The following TFEB variants were observed in gnomAD, a reference collection of about 807,000 sequenced individuals.
The protein encoded by TFEB is T-cell transcription factor EB.
In TFEB, 12 loss-of-function variants were observed where a neutral mutation model predicts 48.0. That is an observed-to-expected ratio of 0.25 (90% CI 0.16 to 0.40). The LOEUF (loss-of-function observed/expected upper bound fraction) is 0.40. TFEB is among the 10% of genes least tolerant of loss of function. The probability of loss-of-function intolerance (pLI) is 1.00; values close to 1 mark genes in which losing one functional copy is unlikely to be tolerated. For synonymous variants in TFEB, 244 were observed against 261.4 expected (o/e 0.93, Z 0.64); for missense variants, 509 against 640.3 (o/e 0.79, Z 2.21).
intron 1 of TFEB, among the ~76,000 whole-genome samples, chr6:41,696,850 C>T (rs575808538): frequency 6.6e-6 from 1 of 152,228 alleles, no homozygotes; most frequent in African/African-American, 2.4e-5. Flanking sequence ...AAAGTGTATA[C>T]AGCATGCTCT....
chr6:41,731,905 C>T (rs937868662), intron 1 of TFEB, among the ~76,000 whole-genome samples: 4 of 152,222 alleles, frequency 2.6e-5, no homozygotes, highest in Non-Finnish European at 5.9e-5. Flanking sequence ...CAGTCTCCTT[C>T]CCTGGCCAGT....
chr6:41,729,528 T>C (rs1771364945), intron 1 of TFEB, among the ~76,000 whole-genome samples: 2 of 152,208 alleles, frequency 1.3e-5, no homozygotes, highest in South Asian at 4.1e-4. Flanking sequence ...CCCCAATTAT[T>C]GCAATAATGC....
chr6:41,713,630 G>T (rs921379281), intron 1 of TFEB, among the ~76,000 whole-genome samples: 3 of 152,162 alleles, frequency 2.0e-5, no homozygotes, highest in Non-Finnish European at 1.5e-5. Flanking sequence ...TCAGGCACCT[G>T]GTGGGCAGCA....
At chr6:41,708,163 C>A (rs930644148) in intron 1 of TFEB, among the ~76,000 whole-genome samples, 110 of 152,372 alleles carry the variant, frequency 7.2e-4, no homozygotes, top group African/African-American at 2.4e-3. Context: ...GGCATCCTGA[C>A]AGCTTCCTCT....
chr6:41,694,002 C>T (rs771307441), intron 1 of TFEB, among the ~76,000 whole-genome samples: 1 of 151,874 alleles, frequency 6.6e-6, no homozygotes, highest in Admixed American at 6.6e-5. Context: ...ACTGGCTCAC[C>T]CCCCCACCCT....
In TFEB at chr6:41,686,165, C is replaced by T; in HGVS notation, c.876G>A (p.Leu292=). 6.2e-7 allele frequency: 1 copy of T among 1,614,264 alleles called. No individual in the cohort carries two copies. The highest frequency in any genetic ancestry group is 1.6e-4 in the Middle Eastern group (1 of 6,062). The change falls in exon 8 of 9, where the codon CTG becomes CTA. Residue 292 remains leucine, a synonymous_variant. Transcript: ENST00000373033. ...VDYIRRMQKD[L]QKSRELENHS... is the part of the protein sequence containing the mutation. Reference sequence around the variant, plus strand: ...GGTTCTCCAGCTCCCTGGACTTTTGCAGGTCCTTCTGCATCCTCCGGATGT... The same window carrying T: ...GGTTCTCCAGCTCCCTGGACTTTTGTAGGTCCTTCTGCATCCTCCGGATGT...
intron 1 of TFEB, among the ~76,000 whole-genome samples, chr6:41,699,418 G>A (rs896444908): frequency 6.6e-6 from 1 of 152,228 alleles, no homozygotes; most frequent in Non-Finnish European, 1.5e-5. Flanking sequence ...GAGCAGCCTA[G>A]TGGTAACCCC....
intron 1 of TFEB, among the ~76,000 whole-genome samples, chr6:41,702,498 GA>G (rs1193558283): frequency 6.6e-6 from 1 of 152,116 alleles, no homozygotes; most frequent in African/African-American, 2.4e-5. Flanking sequence ...GCCTGAGGGC[GA>G]TAGAGGGGTT....
chr6:41,733,005 AGGGGGT>A, intron 1 of TFEB: 1 of 985,536 alleles, frequency 1.0e-6, no homozygotes, highest in Non-Finnish European at 1.2e-6. Context: ...GACAGAACCC[AGGGGGT>A]GGCTGGGCTA....
intron 1 of TFEB, among the ~76,000 whole-genome samples, chr6:41,694,777 C>T (rs889024385): frequency 2.0e-5 from 3 of 152,138 alleles, no homozygotes; most frequent in African/African-American, 7.2e-5. Flanking sequence ...CCACTGTGTA[C>T]AGGTTCAGTA....
In TFEB at chr6:41,691,322, G is replaced by T; in HGVS notation, c.-22-87C>A. On this transcript the variant is annotated intron_variant, in intron 1 of 8. Coordinates refer to ENST00000373033, the MANE Select transcript of TFEB (RefSeq NM_001271944.2). This position sits in a 1 kb window ranked among gnomAD's most constrained non-coding sequence, Gnocchi z 5.2. ...GGCAGGGGGAGGCCAGAATGACTGGGACCGCATCCATTTTAGAGGAGAAGA... is the reference window on the plus strand; with the variant it reads ...GGCAGGGGGAGGCCAGAATGACTGGTACCGCATCCATTTTAGAGGAGAAGA... The T allele has an allele frequency of 7.6e-7, 1 of 1,321,436 alleles. No individual in the cohort carries two copies. The highest frequency in any genetic ancestry group is 1.1e-6 in the Non-Finnish European group (1 of 938,102). The allele number at this position is 1,321,436 out of a possible 1,614,324, so 81.9% of individuals were successfully genotyped here. A position where few individuals can be genotyped will look rare whatever the true frequency, so the allele number is the denominator to read the frequency against.
intron 2 of TFEB, 28 bp downstream of exon 2, chr6:41,690,973 G>A (rs772152919): frequency 2.3e-5 from 36 of 1,567,764 alleles, no homozygotes; most frequent in Admixed American, 1.9e-4. Context: ...TGGGGACAGG[G>A]TGGGGGGCAG....
chr6:41,684,285 C>T lies in TFEB; in HGVS notation c.*314G>A. On this transcript the variant is annotated 3_prime_UTR_variant, in exon 9 of 9. Transcript: ENST00000373033. ...TAATGAGGGGCTCGGGCTCAGAAGA[C>T]AGGGAATCTCCACCAGGCCCTCTTC... 1 of 294,200 alleles carries T rather than the reference C, an allele frequency of 3.4e-6. No homozygotes were observed. The highest frequency in any genetic ancestry group is 1.4e-4 in the South Asian group (1 of 7,054). 18.2% of individuals were successfully genotyped at this position (294,200 alleles called of 1,614,324 possible).
chr6:41,722,260 G>A (rs375136261), intron 1 of TFEB, among the ~76,000 whole-genome samples: 2 of 152,178 alleles, frequency 1.3e-5, no homozygotes, highest in East Asian at 1.9e-4. Flanking sequence ...GATTACAGGC[G>A]TGAGCCACCG....
intron 1 of TFEB, among the ~76,000 whole-genome samples, chr6:41,693,690 T>A (rs1027304027): frequency 6.6e-6 from 1 of 151,906 alleles, no homozygotes; most frequent in African/African-American, 2.4e-5. Flanking sequence ...CTCTACACCA[T>A]GAATCAGTAA....
intron 1 of TFEB, among the ~76,000 whole-genome samples, chr6:41,707,507 G>T (rs748665727): frequency 6.6e-6 from 1 of 152,094 alleles, no homozygotes; most frequent in Non-Finnish European, 1.5e-5. Context: ...GAAGCACACC[G>T]CCAGGCCCAG....
chr6:41,689,831 A>G lies in TFEB; in HGVS notation c.469-20T>C. 7 of 1,608,272 alleles carry G rather than the reference A, an allele frequency of 4.4e-6. No individual in the cohort carries two copies. The highest frequency in any genetic ancestry group is 6.0e-6 in the Non-Finnish European group (7 of 1,175,230). On this transcript the variant is annotated intron_variant, in intron 3 of 8. Transcript: ENST00000373033. Reference sequence around the variant, plus strand: ...ATCCAACTGGAAAAGAGAAAAGTCCATCTGGGGAGGGCCCACCACGAGGTG... The same window carrying G: ...ATCCAACTGGAAAAGAGAAAAGTCCGTCTGGGGAGGGCCCACCACGAGGTG...
chr6:41,721,885 C>A (rs1326900428), intron 1 of TFEB, among the ~76,000 whole-genome samples: 1 of 152,156 alleles, frequency 6.6e-6, no homozygotes, highest in Non-Finnish European at 1.5e-5. Flanking sequence ...AGATGAGTGG[C>A]CTTCAACTGC....
At position 41,734,335 on chromosome 6, in the gene TFEB, G is replaced by T. The variant is rs1203887702; in HGVS notation, c.-23+1015C>A. ...CACCCGGGGCGCGGGGCTGGGGCGC[G>T]CCAGGCGGCTGCGGCGCGAACCTGC... On this transcript the variant is annotated intron_variant, in intron 1 of 8. Transcript: ENST00000373033. This position sits in a 1 kb window ranked among gnomAD's most constrained non-coding sequence, Gnocchi z 4.0. 1 of 984,490 alleles carries T rather than the reference G, an allele frequency of 1.0e-6. No homozygotes were observed. Among genetic ancestry groups the T allele is most frequent in the Non-Finnish European group, 1.2e-6 (1 of 829,502 alleles). 61.0% of individuals were successfully genotyped at this position (984,490 alleles called of 1,614,324 possible). A position where few individuals can be genotyped will look rare whatever the true frequency, so the allele number is the denominator to read the frequency against.
Sources: gnomAD v4.1 joint callset for allele counts (sites outside exome capture counted in the v4.1 genomes callset) on GRCh38, gnomAD v4.1.1 for gene constraint, Gnocchi (gnomAD v3.1) non-coding constraint, MANE v1.5 for transcripts, NCBI Gene and HGNC (gene_info 2026-07-23, HGNC 2026-07-21) for gene names.